Variants in PDZD2 observed in about 807,000 individuals in gnomAD.
PDZD2 encodes the protein PDZ domain-containing protein 2.
Under a neutral mutation model 220.7 loss-of-function variants are expected in PDZD2, and 90 were observed. The ratio of observed to expected loss-of-function variants is 0.41; its 90% CI spans 0.34 to 0.49. PDZD2 has a LOEUF of 0.49. PDZD2 is among the 20% of genes least tolerant of loss of function. The pLI is 0.28. For missense variants in PDZD2, 3,174 were observed against 3,608.5 expected (o/e 0.88, Z 3.08); for synonymous variants, 1,375 against 1,450.5 (o/e 0.95, Z 1.18).
chr5:32,056,665 G>T (rs546211601), intron 10 of PDZD2, among the ~76,000 whole-genome samples: 1 of 152,298 alleles, frequency 6.6e-6, no homozygotes, highest in South Asian at 2.1e-4. Flanking sequence ...GAGAGCTGGG[G>T]CAGGGGGCCA....
At chr5:31,874,180 A>G (rs1561531397) in intron 2 of PDZD2, among the ~76,000 whole-genome samples, 1 of 152,194 alleles carries the variant, frequency 6.6e-6, no homozygotes, top group Non-Finnish European at 1.5e-5. Flanking sequence ...AAGCCCACTC[A>G]CATTATGGAC....
chr5:31,787,918 T>A (rs530350833), intron 1 of PDZD2, among the ~76,000 whole-genome samples: 1 of 152,334 alleles, frequency 6.6e-6, no homozygotes, highest in African/African-American at 2.4e-5. Flanking sequence ...CTTTCTCCAG[T>A]GGACCGCAGC....
Position 32,109,217 on chromosome 5 carries a change from C to T in PDZD2, c.*1082C>T, listed in dbSNP as rs1430757416. On this transcript the variant is annotated 3_prime_UTR_variant, in exon 25 of 25. Coordinates refer to ENST00000438447, the MANE Select transcript of PDZD2 (RefSeq NM_178140.4). ...TTTAGGAGACTGGTTGGTTTTTTTCCCTCTTTCCCAACATGTTTAAGAAAT... is the reference window on the plus strand; with the variant it reads ...TTTAGGAGACTGGTTGGTTTTTTTCTCTCTTTCCCAACATGTTTAAGAAAT... 1 of 151,992 alleles carries T rather than the reference C, an allele frequency of 6.6e-6. No individual in the cohort carries two copies. Among genetic ancestry groups the T allele is most frequent in the Non-Finnish European group, 1.5e-5 (1 of 67,982 alleles). The allele number at this position is 151,992 out of a possible 1,614,324, so 9.4% of individuals were successfully genotyped here.
Position 31,714,355 on chromosome 5 carries a change from C to T in PDZD2, c.-361+74918C>T, listed in dbSNP as rs557002565. On this transcript the variant is annotated intron_variant, in intron 1 of 24. Coordinates refer to ENST00000438447, the MANE Select transcript of PDZD2 (RefSeq NM_178140.4). ...GTATCTGTGGGTTCCGCTTGTGTCTCGGCTTCCACAGTCCTTGTTGTTTGA... is the reference window on the plus strand; with the variant it reads ...GTATCTGTGGGTTCCGCTTGTGTCTTGGCTTCCACAGTCCTTGTTGTTTGA... Among the ~76,000 whole-genome samples the T allele has an allele frequency of 5.9e-5, 9 of 152,264 alleles. No homozygotes were observed. In the East Asian group the frequency reaches 7.7e-4, roughly 13 times the overall value.
chr5:32,056,882 G>A (rs1366585609), intron 10 of PDZD2, among the ~76,000 whole-genome samples: 1 of 152,086 alleles, frequency 6.6e-6, no homozygotes, highest in African/African-American at 2.4e-5. Flanking sequence ...TCAAGGCCAG[G>A]AGTTCAAGAC....
chr5:32,004,178 T>C (rs1413605773), intron 5 of PDZD2, among the ~76,000 whole-genome samples: 1 of 151,992 alleles, frequency 6.6e-6, no homozygotes, highest in Non-Finnish European at 1.5e-5. Context: ...TCCTCGATGA[T>C]GCCTGCTCCC....
rs377222975 is a variant in PDZD2, at chr5:32,098,445, G to A, written c.8029G>A (p.Ala2677Thr). The part of the protein sequence containing the change: ...RGDFLLSVNG[A>T]SLAGLAHGNV... ...GGATTTCCTTCTGTCAGTCAACGGC[G>A]CCTCACTGGCTGGCTTAGCCCACGG... The change falls in exon 23 of 25, where the codon GCC becomes ACC. Residue 2677 changes from alanine (A) to threonine (T), a missense_variant. Ala to Thr is a moderately conservative substitution (Grantham distance 58, BLOSUM62 0). This residue lies in a region of PDZD2 where 631 missense variants were observed against 789.9 expected (regional missense o/e 0.80). Coordinates refer to ENST00000438447, the MANE Select transcript of PDZD2 (RefSeq NM_178140.4). This position sits in a 1 kb window ranked among gnomAD's most constrained non-coding sequence, Gnocchi z 4.1. The A allele has an allele frequency of 8.1e-6, 13 of 1,613,962 alleles. No individual in the cohort carries two copies. The highest frequency in any genetic ancestry group is 6.7e-5 in the African/African-American group (5 of 74,904).
chr5:31,749,226 C>T (rs1435164058), intron 1 of PDZD2, among the ~76,000 whole-genome samples: 5 of 152,164 alleles, frequency 3.3e-5, no homozygotes, highest in African/African-American at 1.2e-4. Context: ...GGATATTTCA[C>T]CTGTGCATCT....
chr5:31,877,360 T>A (rs982635008), intron 2 of PDZD2, among the ~76,000 whole-genome samples: 2 of 151,990 alleles, frequency 1.3e-5, no homozygotes, highest in African/African-American at 4.8e-5. Context: ...GGACCACAGG[T>A]GCATACCACC....
At position 31,710,753 on chromosome 5, in the gene PDZD2, T is replaced by C. The variant is rs533631168; in HGVS notation, c.-361+71316T>C. On this transcript the variant is annotated intron_variant, in intron 1 of 24. Transcript: ENST00000438447. ...ATCGCTTGAACCTGGGAGGTGGAGG[T>C]TGCAGTGAGCCGGGATCGCGCCATT... Among the ~76,000 whole-genome samples the C allele has an allele frequency of 3.3e-5, 5 of 150,430 alleles. No individual in the cohort carries two copies. The South Asian group carries it at 1.1e-3, about 32-fold the overall frequency.
intron 2 of PDZD2, among the ~76,000 whole-genome samples, chr5:31,829,611 C>G (rs572691815): frequency 3.9e-5 from 6 of 152,164 alleles, no homozygotes; most frequent in Non-Finnish European, 5.9e-5. Context: ...ACCACCACAC[C>G]CAGCCCAGCT....
At chr5:31,827,993 A>G (rs1288451702) in intron 2 of PDZD2, among the ~76,000 whole-genome samples, 1 of 152,178 alleles carries the variant, frequency 6.6e-6, no homozygotes, top group African/African-American at 2.4e-5. Context: ...AAGTGTAATG[A>G]CTTCAGTGCT....
At chr5:31,943,151 C>T (rs1015315698) in intron 2 of PDZD2, among the ~76,000 whole-genome samples, 3 of 150,684 alleles carry the variant, frequency 2.0e-5, no homozygotes, top group Non-Finnish European at 2.9e-5. Flanking sequence ...TGCAGTGAGT[C>T]GAGATTGTGC....
At position 32,087,420 on chromosome 5, in the gene PDZD2, G is replaced by A. The variant is rs1283465088; in HGVS notation, c.3972G>A (p.Arg1324=). The A allele has an allele frequency of 3.7e-6, 6 of 1,614,132 alleles. No individual in the cohort carries two copies. The highest frequency in any genetic ancestry group is 3.4e-6 in the Non-Finnish European group (4 of 1,180,010). Reference sequence around the variant, plus strand: ...ATACCAGGAGGGTGGCTGCCCTCAGGGGAGCGGGACCTGGAGCAGAGGGAA... The same window carrying A: ...ATACCAGGAGGGTGGCTGCCCTCAGAGGAGCGGGACCTGGAGCAGAGGGAA... ...PHNTRRVAAL[R]GAGPGAEGMT... The change falls in exon 20 of 25, where the codon AGG becomes AGA. Residue 1324 remains arginine (R), a synonymous_variant. Coordinates refer to ENST00000438447, the MANE Select transcript of PDZD2 (RefSeq NM_178140.4). This position sits in a 1 kb window ranked among gnomAD's most constrained non-coding sequence, Gnocchi z 4.0.
rs565568515 is a variant in PDZD2 at position 31,945,284 on chromosome 5, G to A, written c.477-37871G>A. 3.7e-4 allele frequency among the ~76,000 whole-genome samples: 57 copies of A among 152,296 alleles called. 1 individual carries two copies. Among genetic ancestry groups the A allele is most frequent in the African/African-American group, 1.4e-3 (57 of 41,572 alleles). On this transcript the variant is annotated intron_variant, in intron 2 of 24. Coordinates refer to ENST00000438447, the MANE Select transcript of PDZD2 (RefSeq NM_178140.4). ...TATAAACAGAAATCCAATTTTGTGT[G>A]TTTATCAGAGGTTGTCAGCGGCCTG...
chr5:31,678,560 A>C (rs1746533590), intron 1 of PDZD2, among the ~76,000 whole-genome samples: 1 of 152,076 alleles, frequency 6.6e-6, no homozygotes. Flanking sequence ...GTCAGTCTCT[A>C]GGGTGATTCA....
chr5:31,727,024 A>C lies in PDZD2; in HGVS notation c.-360-71865A>C, dbSNP rs1333568523. On this transcript the variant is annotated intron_variant, in intron 1 of 24. Coordinates refer to ENST00000438447, the MANE Select transcript of PDZD2 (RefSeq NM_178140.4). ...TGGCAGGAGCATGCGAGAGAGAGAA[A>C]GGGTGGGGGTGCCACACAATTTTAA... 2.6e-5 allele frequency among the ~76,000 whole-genome samples: 4 copies of C among 152,074 alleles called. No individual in the cohort carries two copies. In the South Asian group the frequency reaches 8.4e-4, roughly 32 times the overall value.
At chr5:31,670,114 T>A (rs1385583066) in intron 1 of PDZD2, among the ~76,000 whole-genome samples, 1 of 152,156 alleles carries the variant, frequency 6.6e-6, no homozygotes, top group Non-Finnish European at 1.5e-5. Context: ...GCTCACCCCT[T>A]TTCCTCCCTG....
chr5:31,833,581 A>G (rs1756753791), intron 2 of PDZD2, among the ~76,000 whole-genome samples: 2 of 151,030 alleles, frequency 1.3e-5, no homozygotes, highest in South Asian at 4.2e-4. Flanking sequence ...AGTTGCAGTG[A>G]GCCGAGATTG....
Sources: gnomAD v4.1 joint callset for allele counts (sites outside exome capture counted in the v4.1 genomes callset) on GRCh38, gnomAD v4.1.1 for gene constraint, gnomAD v4.1.1 regional missense constraint, Gnocchi (gnomAD v3.1) non-coding constraint, MANE v1.5 for transcripts, NCBI Gene and HGNC (gene_info 2026-07-23, HGNC 2026-07-21) for gene names.